Variants in LRRTM3 observed in about 807,000 individuals in gnomAD.
LRRTM3 encodes the protein leucine rich repeat transmembrane neuronal 3.
In LRRTM3, 24 loss-of-function variants were observed where a neutral mutation model predicts 44.7. The observed-to-expected ratio is 0.54, with a 90% CI of 0.39 to 0.76. LRRTM3 has a LOEUF of 0.76. LRRTM3 is among the 30% of genes least tolerant of loss of function. The probability of loss-of-function intolerance (pLI) is 0.00; values close to 1 mark genes in which losing one functional copy is unlikely to be tolerated. For synonymous variants in LRRTM3, 277 were observed against 278.7 expected, an observed-to-expected ratio of 0.99 and a Z score of 0.06; for missense variants, 587 against 702.2, an observed-to-expected ratio of 0.84 and a Z score of 1.85.
intron 2 of LRRTM3, among the ~76,000 whole-genome samples, chr10:66,950,641 C>A (rs181037686): frequency 1.3e-5 from 2 of 152,130 alleles, no homozygotes; most frequent in African/African-American, 2.4e-5. Context: ...TGGCTCCATA[C>A]AGCAAAAGAA....
intron 2 of LRRTM3, among the ~76,000 whole-genome samples, chr10:67,039,651 A>C (rs1854274881): frequency 6.6e-6 from 1 of 152,134 alleles, no homozygotes; most frequent in Admixed American, 6.6e-5. Flanking sequence ...GACCAGAAAA[A>C]TTAAAAATCA....
chr10:67,026,567 C>T (rs1036529420), intron 2 of LRRTM3, among the ~76,000 whole-genome samples: 6 of 152,076 alleles, frequency 3.9e-5, no homozygotes, highest in Admixed American at 3.9e-4. Flanking sequence ...CTTCAAATAG[C>T]TCCTTATATA....
At chr10:67,050,888 C>T (rs1051240573) in intron 2 of LRRTM3, among the ~76,000 whole-genome samples, 2 of 152,100 alleles carry the variant, frequency 1.3e-5, no homozygotes, top group Admixed American at 6.5e-5. Context: ...ACATACGTAG[C>T]ACAAATGATT....
At chr10:66,978,365 A>C (rs1850185300) in intron 2 of LRRTM3, among the ~76,000 whole-genome samples, 1 of 151,312 alleles carries the variant, frequency 6.6e-6, no homozygotes, top group Non-Finnish European at 1.5e-5. Flanking sequence ...GTCTCTACTA[A>C]AAATACAAAA....
intron 2 of LRRTM3, among the ~76,000 whole-genome samples, chr10:67,022,491 A>C (rs1194712412): frequency 1.3e-5 from 2 of 152,128 alleles, no homozygotes; most frequent in Non-Finnish European, 2.9e-5. Flanking sequence ...ATAAAAATAA[A>C]ATTTTCAGAG....
At chr10:66,961,840 C>T (rs536190420) in intron 2 of LRRTM3, among the ~76,000 whole-genome samples, 10 of 152,216 alleles carry the variant, frequency 6.6e-5, no homozygotes, top group Admixed American at 3.9e-4. Flanking sequence ...CCCCACTAAA[C>T]CTATTCCTCC....
intron 2 of LRRTM3, among the ~76,000 whole-genome samples, chr10:66,956,995 G>C (rs905748487): frequency 6.6e-6 from 1 of 152,158 alleles, no homozygotes; most frequent in South Asian, 2.1e-4. Flanking sequence ...TAAAACCATG[G>C]AATGTAGAAG....
At chr10:67,062,022 C>T (rs1007820893) in intron 2 of LRRTM3, among the ~76,000 whole-genome samples, 4 of 152,040 alleles carry the variant, frequency 2.6e-5, no homozygotes, top group Admixed American at 1.3e-4. Context: ...ATAGTATAAC[C>T]CTTAGAAAGA....
At chr10:67,082,459 C>A (rs1271972589) in intron 2 of LRRTM3, among the ~76,000 whole-genome samples, 1 of 152,064 alleles carries the variant, frequency 6.6e-6, no homozygotes, top group Non-Finnish European at 1.5e-5. Context: ...AAACCCTAAA[C>A]CCCCAAGCAG....
At chr10:66,955,899 A>C (rs1316593778) in intron 2 of LRRTM3, among the ~76,000 whole-genome samples, 2 of 152,088 alleles carry the variant, frequency 1.3e-5, no homozygotes, top group Non-Finnish European at 2.9e-5. Flanking sequence ...ATCTTTCTCT[A>C]GTGACGCTAC....
chr10:67,047,551 A>C (rs1224923405), intron 2 of LRRTM3, among the ~76,000 whole-genome samples: 1 of 152,172 alleles, frequency 6.6e-6, no homozygotes, highest in African/African-American at 2.4e-5. Context: ...CTGACCACTT[A>C]TCTACCAAAT....
intron 2 of LRRTM3, among the ~76,000 whole-genome samples, chr10:67,021,232 CT>C (rs1334643622): frequency 6.6e-6 from 1 of 152,112 alleles, no homozygotes; most frequent in Non-Finnish European, 1.5e-5. Flanking sequence ...AAAAGCTCAA[CT>C]TTGTCAATTA....
chr10:66,980,576 G>C (rs1233105722), intron 2 of LRRTM3, among the ~76,000 whole-genome samples: 1 of 142,032 alleles, frequency 7.0e-6, no homozygotes, highest in Non-Finnish European at 1.6e-5. Context: ...ACCCACCTGT[G>C]ATTAAATGAG....
At chr10:67,067,488 A>G (rs1225734161) in intron 2 of LRRTM3, among the ~76,000 whole-genome samples, 1 of 152,240 alleles carries the variant, frequency 6.6e-6, no homozygotes, top group Non-Finnish European at 1.5e-5. Context: ...ATTAGTCCAC[A>G]AAGTTTGGCA....
chr10:66,992,391 T>G (rs190939728), intron 2 of LRRTM3, among the ~76,000 whole-genome samples: 1 of 152,238 alleles, frequency 6.6e-6, no homozygotes, highest in East Asian at 1.9e-4. Flanking sequence ...CTTTTCCTAT[T>G]ATTCTTCCTC....
intron 2 of LRRTM3, among the ~76,000 whole-genome samples, chr10:67,022,891 T>C (rs908548012): frequency 1.7e-4 from 26 of 152,034 alleles, no homozygotes; most frequent in African/African-American, 4.8e-4. Context: ...TGAGCCGAGA[T>C]CATGCCATTG....
chr10:66,980,945 T>C (rs1283412641), intron 2 of LRRTM3, among the ~76,000 whole-genome samples: 2 of 152,178 alleles, frequency 1.3e-5, no homozygotes, highest in African/African-American at 2.4e-5. Context: ...TCACTCTTGT[T>C]GCCCAGGCTG....
At chr10:66,985,344 G>A (rs540764055) in intron 2 of LRRTM3, among the ~76,000 whole-genome samples, 14 of 152,296 alleles carry the variant, frequency 9.2e-5, no homozygotes, top group Admixed American at 9.2e-4. Flanking sequence ...TACCAAGGGT[G>A]AGAGAATAAA....
chr10:66,986,500 A>AAACTG (rs368445839), intron 2 of LRRTM3, among the ~76,000 whole-genome samples: 1 of 54,408 alleles, frequency 1.8e-5, no homozygotes, highest in Non-Finnish European at 4.9e-5. Flanking sequence ...CCATCTTGCT[A>AAACTG]AACTAAACTA....
Sources: gnomAD v4.1 joint callset for allele counts (sites outside exome capture counted in the v4.1 genomes callset) on GRCh38, gnomAD v4.1.1 for gene constraint, MANE v1.5 for transcripts, NCBI Gene and HGNC (gene_info 2026-07-23, HGNC 2026-07-21) for gene names.